SGK1: variants seen among roughly 807,000 people sequenced by gnomAD.
SGK1 encodes the protein serine/threonine-protein kinase Sgk1.
Under a neutral mutation model 64.2 loss-of-function variants are expected in SGK1, and 26 were observed. That is an observed-to-expected ratio of 0.40 (90% CI 0.30 to 0.56). The LOEUF is 0.56. Ranked by LOEUF, SGK1 falls within the 20% of genes least tolerant of loss-of-function variation. SGK1 has a pLI of 0.38. For synonymous variants in SGK1, 265 were observed against 239.7 expected, an observed-to-expected ratio of 1.11 and a Z score of -0.98; for missense variants, 519 against 645.6, an observed-to-expected ratio of 0.80 and a Z score of 2.12.
intron 1 of SGK1, among the ~76,000 whole-genome samples, chr6:134,265,485 A>G (rs1776835255): frequency 6.8e-6 from 1 of 147,936 alleles, no homozygotes; most frequent in Admixed American, 6.8e-5. Context: ...ACAAACAAAC[A>G]AAAAAAATAT....
chr6:134,270,295 A>G (rs1776919692), intron 1 of SGK1, among the ~76,000 whole-genome samples: 1 of 147,652 alleles, frequency 6.8e-6, no homozygotes, highest in South Asian at 2.2e-4. Context: ...CTTTTATGCT[A>G]ACTGGTCTTG....
At chr6:134,304,650 A>G (rs1777508811) in intron 1 of SGK1, among the ~76,000 whole-genome samples, 1 of 152,060 alleles carries the variant, frequency 6.6e-6, no homozygotes, top group African/African-American at 2.4e-5. Context: ...TAAAGTGAGC[A>G]ATCATCGCAC....
chr6:134,170,245 T>C lies in SGK1; in HGVS notation c.*23A>G, dbSNP rs527777726. On this transcript the variant is annotated 3_prime_UTR_variant, in exon 14 of 14. Coordinates refer to ENST00000367858, the MANE Select transcript of SGK1 (RefSeq NM_001143676.3). ...CATTCGGAAACACACATAAAATCCT[T>C]TAAAACCAAGCCCTAACAGGGTTCA... 1 of 1,577,854 alleles carries C rather than the reference T, an allele frequency of 6.3e-7. No homozygotes were observed. The highest frequency in any genetic ancestry group is 1.4e-5 in the African/African-American group (1 of 73,658).
chr6:134,275,636 G>A (rs1458679217), intron 1 of SGK1, among the ~76,000 whole-genome samples: 1 of 152,036 alleles, frequency 6.6e-6, no homozygotes, highest in Admixed American at 6.6e-5. Flanking sequence ...ACCACTAATG[G>A]GTGCCACACA....
chr6:134,285,556 A>G (rs781701906), intron 1 of SGK1, among the ~76,000 whole-genome samples: 4 of 145,586 alleles, frequency 2.7e-5, no homozygotes, highest in Non-Finnish European at 4.5e-5. Flanking sequence ...TTACTTTTTC[A>G]TAATGGCCAT....
At chr6:134,310,462 C>T (rs912040780) in intron 1 of SGK1, among the ~76,000 whole-genome samples, 2 of 152,222 alleles carry the variant, frequency 1.3e-5, no homozygotes, top group African/African-American at 4.8e-5. Context: ...GTGCCAAAGG[C>T]ATCCGTCTTA....
intron 2 of SGK1, among the ~76,000 whole-genome samples, chr6:134,245,441 A>C (rs1025347665): frequency 6.6e-6 from 1 of 152,370 alleles, no homozygotes; most frequent in South Asian, 2.1e-4. Context: ...TTTTGTCAAC[A>C]ATAGATATTC....
intron 1 of SGK1, among the ~76,000 whole-genome samples, chr6:134,311,212 G>A (rs540974977): frequency 6.6e-6 from 1 of 152,340 alleles, no homozygotes; most frequent in South Asian, 2.1e-4. Flanking sequence ...GAAGACGGAG[G>A]AGGAAGGAGA....
chr6:134,255,234 GC>G (rs1186020849), intron 2 of SGK1, among the ~76,000 whole-genome samples: 10 of 152,248 alleles, frequency 6.6e-5, no homozygotes, highest in Middle Eastern at 3.4e-3. Context: ...AATTAATAAT[GC>G]TCTACAAGTT....
chr6:134,249,106 T>G (rs535556278), intron 2 of SGK1, among the ~76,000 whole-genome samples: 2 of 152,276 alleles, frequency 1.3e-5, no homozygotes, highest in East Asian at 3.9e-4. Flanking sequence ...ATCAAGCGTA[T>G]TGTACGAAAT....
chr6:134,179,113 C>T (rs528777468), intron 3 of SGK1, among the ~76,000 whole-genome samples: 28 of 152,050 alleles, frequency 1.8e-4, no homozygotes, highest in African/African-American at 6.7e-4. Context: ...TGATATTTCT[C>T]AACATATTAG....
intron 1 of SGK1, among the ~76,000 whole-genome samples, chr6:134,273,592 CAAAAAAAAAAA>C (rs58634499): frequency 7.4e-4 from 12 of 16,222 alleles, no homozygotes; most frequent in Middle Eastern, 0.1. Flanking sequence ...GACTCCGTCT[CAAAAAAAAAAA>C]AAAAAAAAAA....
chr6:134,227,546 G>A (rs1776204401), intron 2 of SGK1, among the ~76,000 whole-genome samples: 2 of 152,216 alleles, frequency 1.3e-5, no homozygotes, highest in South Asian at 2.1e-4. Flanking sequence ...AAGCTTTTAA[G>A]GCAGATATAC....
Position 134,173,291 on chromosome 6 carries a change from T to C in SGK1, c.685A>G (p.Ile229Val), listed in dbSNP as rs753470807. ...TCTCATACCTCTTTCTTTTTCAGGATTGCTTTCTTCTGTAAAACTTTGACT... is the reference window on the plus strand; with the variant it reads ...TCTCATACCTCTTTCTTTTTCAGGACTGCTTTCTTCTGTAAAACTTTGACT... Reference protein sequence around the residue: ...YAVKVLQKKAILKKKEEKHIM... With the variant: ...YAVKVLQKKAVLKKKEEKHIM... The change falls in exon 7 of 14, where the codon ATC (isoleucine) becomes GTC (valine). Residue 229 changes from isoleucine (I) to valine (V), a missense_variant. Physicochemically the swap from Ile to Val is conservative, Grantham distance 29. Transcript: ENST00000367858. The C allele has an allele frequency of 4.3e-6, 7 of 1,613,678 alleles. No individual in the cohort carries two copies. The highest frequency in any genetic ancestry group is 2.2e-5 in the East Asian group (1 of 44,884).
At position 134,186,439 on chromosome 6, in the gene SGK1, TAAGAG is replaced by T. The variant is rs560740153; in HGVS notation, c.362-11858_362-11854del. Among the ~76,000 whole-genome samples the T allele has an allele frequency of 2.2e-4, 34 of 152,278 alleles. No homozygotes were observed. In the East Asian group the frequency reaches 6.6e-3, roughly 29 times the overall value. ...ATAAATGTGTTACATGATAAAGACA[TAAGAG>T]AAGAATGAAAACAAAGATATTAATA... On this transcript the variant is annotated intron_variant, in intron 3 of 13. Coordinates refer to ENST00000367858, the MANE Select transcript of SGK1 (RefSeq NM_001143676.3).
chr6:134,178,422 A>C lies in SGK1; in HGVS notation c.362-3836T>G, dbSNP rs1365169966. 2.6e-5 allele frequency among the ~76,000 whole-genome samples: 4 copies of C among 152,042 alleles called. No homozygotes were observed. In the East Asian group the frequency reaches 7.7e-4, roughly 29 times the overall value. ...ACACGGCGGAGGGGTGCTTGAGGGG[A>C]GGGGGAGACGGGGGAGCTGTGTGTG... On this transcript the variant is annotated intron_variant, in intron 3 of 13. Transcript: ENST00000367858.
At chr6:134,264,696 G>A (rs1382904524) in intron 1 of SGK1, among the ~76,000 whole-genome samples, 2 of 151,990 alleles carry the variant, frequency 1.3e-5, no homozygotes, top group East Asian at 3.9e-4. Flanking sequence ...AGATTGGAGT[G>A]CATTGGCACG....
chr6:134,275,718 G>A (rs4407731), intron 1 of SGK1, among the ~76,000 whole-genome samples: 46,052 of 151,966 alleles, frequency 0.3, 7,666 homozygotes, highest in East Asian at 0.63. Flanking sequence ...CCTAGGGTCT[G>A]GACGCCTATC....
intron 1 of SGK1, among the ~76,000 whole-genome samples, chr6:134,295,172 T>C (rs538837008): frequency 2.6e-4 from 39 of 152,238 alleles, no homozygotes; most frequent in Admixed American, 5.2e-4. Flanking sequence ...GCTGGGTAGC[T>C]GGATAGTGCA....
Sources: allele counts gnomAD v4.1 joint callset (sites outside exome capture counted in the v4.1 genomes callset), GRCh38; gene constraint gnomAD v4.1.1; transcripts MANE v1.5; gene names NCBI Gene and HGNC (gene_info 2026-07-23, HGNC 2026-07-21).